GARNL3: variants seen among roughly 807,000 people sequenced by gnomAD.
The protein encoded by GARNL3 is GTPase activating Rap/RanGAP domain like 3.
GARNL3 carries 63 observed loss-of-function variants against 125.0 expected under a neutral mutation model. The ratio of observed to expected loss-of-function variants is 0.50; its 90% CI spans 0.41 to 0.62. The LOEUF (loss-of-function observed/expected upper bound fraction) is 0.62, where lower values mean the gene tolerates loss of function less well. Ranked by LOEUF, GARNL3 falls within the 20% of genes least tolerant of loss-of-function variation. GARNL3 has a pLI of 0.00. For synonymous variants in GARNL3, 439 were observed against 457.5 expected, an observed-to-expected ratio of 0.96 and a Z score of 0.52; for missense variants, 994 against 1,244.0, an observed-to-expected ratio of 0.80 and a Z score of 3.02.
chr9:127,360,143 C>T (rs939183381), intron 21 of GARNL3, among the ~76,000 whole-genome samples: 2 of 152,140 alleles, frequency 1.3e-5, no homozygotes, highest in African/African-American at 4.8e-5. Flanking sequence ...GCCTCAGCCT[C>T]CTGACGAGTA....
At chr9:127,350,006 C>T (rs184070502) in intron 17 of GARNL3, among the ~76,000 whole-genome samples, 69 of 152,248 alleles carry the variant, frequency 4.5e-4, no homozygotes, top group African/African-American at 1.5e-3. Context: ...TGCTGTGTGC[C>T]GGGGCCCCAC....
chr9:127,264,980 C>T lies in GARNL3; in HGVS notation c.103C>T (p.Arg35Cys), dbSNP rs767324882. ...SSVSEDLGCR[R>C]GDFSRKHYGS... is the part of the protein sequence containing the mutation. ...TGTCTCGGAAGACCTAGGCTGTAGACGTGGGGATTTCAGTAGGAAACATTA... is the reference window on the plus strand; with the variant it reads ...TGTCTCGGAAGACCTAGGCTGTAGATGTGGGGATTTCAGTAGGAAACATTA... The change falls in exon 1 of 28, where the codon CGT (arginine) becomes TGT (cysteine). Residue 35 changes from arginine (R) to cysteine (C), a missense_variant. Arg to Cys is a radical substitution (Grantham distance 180). Transcript: ENST00000373387. The T allele has an allele frequency of 5.6e-6, 9 of 1,612,912 alleles. No individual in the cohort carries two copies. Among genetic ancestry groups the T allele is most frequent in the South Asian group, 2.2e-5 (2 of 90,836 alleles).
rs1406950761 is a variant in GARNL3, at chr9:127,280,791, T to C, written c.145-10377T>C. Among the ~76,000 whole-genome samples the C allele has an allele frequency of 6.6e-6, 1 of 152,186 alleles. No homozygotes were observed. The highest frequency in any genetic ancestry group is 1.5e-5 in the Non-Finnish European group (1 of 68,042). On this transcript the variant is annotated intron_variant, in intron 1 of 27. Coordinates refer to ENST00000373387, the MANE Select transcript of GARNL3 (RefSeq NM_032293.5). The surrounding 1 kb of genome is among the most constrained non-coding windows in gnomAD (Gnocchi z 4.5). ...GTATATTTTGAGCTGGAAAGCTACA[T>C]GACAGTGCTTATCCTGAATTGCCTC...
chr9:127,347,185 T>G (rs1588902039), intron 16 of GARNL3, among the ~76,000 whole-genome samples: 1 of 152,196 alleles, frequency 6.6e-6, no homozygotes, highest in East Asian at 1.9e-4. Context: ...TTTGGGAGGT[T>G]GAGGCCGGAG....
chr9:127,393,206 C>A lies in GARNL3; in HGVS notation c.2994C>A (p.Pro998=). ...GCAGCCCGGTCTCCGGCAGCAGCCCCTTCCAGCTCACGGCTTTCTCCGATG... is the reference window on the plus strand; with the variant it reads ...GCAGCCCGGTCTCCGGCAGCAGCCCATTCCAGCTCACGGCTTTCTCCGATG... The part of the protein sequence containing the change: ...REGSPVSGSS[P]FQLTAFSDED... The change falls in exon 28 of 28, where the codon CCC becomes CCA. Residue 998 remains proline, a synonymous_variant. Transcript: ENST00000373387. 6.2e-7 allele frequency: 1 copy of A among 1,613,696 alleles called. No homozygotes were observed. The highest frequency in any genetic ancestry group is 1.3e-5 in the African/African-American group (1 of 75,070).
intron 2 of GARNL3, among the ~76,000 whole-genome samples, chr9:127,293,795 C>T (rs1364474159): frequency 1.3e-5 from 2 of 152,128 alleles, no homozygotes; most frequent in Non-Finnish European, 2.9e-5. Context: ...AATATAAAGC[C>T]TAAGATGAGT....
chr9:127,295,237 GT>G (rs1320033849), intron 2 of GARNL3, among the ~76,000 whole-genome samples: 1 of 152,158 alleles, frequency 6.6e-6, no homozygotes, highest in Non-Finnish European at 1.5e-5. Flanking sequence ...CACTGTAAAG[GT>G]TTCTTGTACA....
intron 1 of GARNL3, among the ~76,000 whole-genome samples, chr9:127,231,310 G>A (rs1313835109): frequency 7.2e-6 from 1 of 138,590 alleles, no homozygotes; most frequent in African/African-American, 2.7e-5. Flanking sequence ...CTGACCTCAT[G>A]ATCCGCCCGC....
chr9:127,381,798 A>G (rs185635738), intron 22 of GARNL3, among the ~76,000 whole-genome samples: 3,815 of 149,028 alleles, frequency 0.026, 128 homozygotes, highest in African/African-American at 0.081. Context: ...GTAGAGACGG[A>G]GTTTCACCGT....
intron 22 of GARNL3, among the ~76,000 whole-genome samples, chr9:127,368,064 G>A (rs1831385640): frequency 7.3e-6 from 1 of 136,882 alleles, no homozygotes; most frequent in Non-Finnish European, 1.5e-5. Flanking sequence ...TGCCTAGGCT[G>A]GAGTATGGTG....
intron 6 of GARNL3, among the ~76,000 whole-genome samples, chr9:127,321,397 C>T (rs993309771): frequency 3.3e-4 from 50 of 152,166 alleles, no homozygotes; most frequent in African/African-American, 1.1e-3. Flanking sequence ...AGATTACAGG[C>T]GTGAGCCACC....
chr9:127,374,277 G>A (rs530450408), intron 22 of GARNL3, among the ~76,000 whole-genome samples: 5 of 151,710 alleles, frequency 3.3e-5, no homozygotes, highest in Non-Finnish European at 5.9e-5. Flanking sequence ...CTCCAGCCTG[G>A]GCAACAAGAG....
At chr9:127,258,896 T>C (rs987672020), upstream of GARNL3, among the ~76,000 whole-genome samples, 3 of 152,198 alleles carry the variant, frequency 2.0e-5, no homozygotes, top group African/African-American at 7.2e-5. Flanking sequence ...GCTGAGGCCT[T>C]TTCCTAGAGC....
intron 2 of GARNL3, among the ~76,000 whole-genome samples, chr9:127,309,093 C>A (rs1481778392): frequency 6.6e-6 from 1 of 151,868 alleles, no homozygotes; most frequent in African/African-American, 2.4e-5. Context: ...CTGATAAAAG[C>A]AAAATAATAC....
At chr9:127,320,623 G>A (rs2131511536) in intron 5 of GARNL3, 92 bp from the exon 6 acceptor site, 1 of 803,818 alleles carries the variant, frequency 1.2e-6, no homozygotes, top group Non-Finnish European at 2.1e-6. Context: ...TCTTCTGAGT[G>A]TCAGGCCCTT....
intron 7 of GARNL3, among the ~76,000 whole-genome samples, chr9:127,326,355 G>T (rs1222170357): frequency 1.3e-5 from 2 of 152,172 alleles, no homozygotes; most frequent in Non-Finnish European, 2.9e-5. Context: ...AAAATAGAAG[G>T]TATAGAGTAA....
intron 22 of GARNL3, among the ~76,000 whole-genome samples, chr9:127,372,559 T>C (rs1831666582): frequency 1.3e-5 from 2 of 152,334 alleles, no homozygotes; most frequent in South Asian, 4.1e-4. Flanking sequence ...TTTTCCTGGG[T>C]CTTACTTACT....
intron 2 of GARNL3, among the ~76,000 whole-genome samples, chr9:127,304,904 C>T (rs537698361): frequency 2.0e-5 from 3 of 152,058 alleles, no homozygotes; most frequent in Admixed American, 6.6e-5. Context: ...AGAATGAATG[C>T]GTAAATTGTG....
At chr9:127,390,947 A>G (rs1832790904) in intron 27 of GARNL3, among the ~76,000 whole-genome samples, 180 bp downstream of exon 27, 1 of 152,190 alleles carries the variant, frequency 6.6e-6, no homozygotes, top group African/African-American at 2.4e-5. Flanking sequence ...GGAGGGATCT[A>G]GACAAATGGG....
Sources: allele counts gnomAD v4.1 joint callset (sites outside exome capture counted in the v4.1 genomes callset), GRCh38; gene constraint gnomAD v4.1.1; non-coding constraint Gnocchi (gnomAD v3.1); transcripts MANE v1.5; gene names NCBI Gene and HGNC (gene_info 2026-07-23, HGNC 2026-07-21).